Variants in ADCY2 observed in about 807,000 individuals in gnomAD.
ADCY2 encodes adenylate cyclase type 2.
Under a neutral mutation model 125.2 loss-of-function variants are expected in ADCY2, and 31 were observed. The ratio of observed to expected loss-of-function variants is 0.25; its 90% CI spans 0.19 to 0.33. ADCY2 has a LOEUF of 0.33. Ranked by LOEUF, ADCY2 falls within the 10% of genes least tolerant of loss-of-function variation. The pLI, the probability that ADCY2 is intolerant of heterozygous loss-of-function variation, is 1.00. For missense variants in ADCY2, 904 were observed against 1,418.2 expected, an observed-to-expected ratio of 0.64 and a Z score of 5.82; for synonymous variants, 512 against 548.4, an observed-to-expected ratio of 0.93 and a Z score of 0.93.
intron 24 of ADCY2, among the ~76,000 whole-genome samples, chr5:7,822,379 T>C (rs556711638): frequency 1.4e-4 from 22 of 152,364 alleles, no homozygotes; most frequent in African/African-American, 4.8e-4. Context: ...ATTTTACCAT[T>C]ATTACACCAA....
intron 2 of ADCY2, among the ~76,000 whole-genome samples, chr5:7,457,601 G>T (rs1317822180): frequency 1.3e-5 from 2 of 152,198 alleles, no homozygotes; most frequent in Non-Finnish European, 2.9e-5. Flanking sequence ...CAGGGGAGGA[G>T]ATACAAAGTC....
intron 2 of ADCY2, among the ~76,000 whole-genome samples, chr5:7,465,871 T>C (rs541620886): frequency 6.6e-6 from 1 of 152,350 alleles, no homozygotes; most frequent in East Asian, 1.9e-4. Flanking sequence ...TACATTTGCA[T>C]GTTTTTTAAC....
intron 10 of ADCY2, among the ~76,000 whole-genome samples, chr5:7,710,253 C>T (rs1741397693): frequency 6.6e-6 from 1 of 152,170 alleles, no homozygotes; most frequent in Non-Finnish European, 1.5e-5. Context: ...ATTTATATTT[C>T]TTCTCCCAAC....
At chr5:7,488,291 C>A (rs1743021490) in intron 2 of ADCY2, among the ~76,000 whole-genome samples, 1 of 152,190 alleles carries the variant, frequency 6.6e-6, no homozygotes, top group African/African-American at 2.4e-5. Flanking sequence ...CCTTCGTCTT[C>A]CACCATGATT....
chr5:7,785,585 T>G (rs750487846), intron 19 of ADCY2, among the ~76,000 whole-genome samples: 5 of 152,162 alleles, frequency 3.3e-5, no homozygotes, highest in South Asian at 4.1e-4. Context: ...CAACCCATTT[T>G]TCTTTTCTCA....
chr5:7,766,896 T>A, intron 17 of ADCY2, 90 bp downstream of exon 17: 9 of 1,436,692 alleles, frequency 6.3e-6, no homozygotes, highest in Non-Finnish European at 8.3e-6. Flanking sequence ...AGATCTGTTC[T>A]AGACTTTGCA....
At chr5:7,629,103 A>AT (rs1561133469) in intron 4 of ADCY2, among the ~76,000 whole-genome samples, 2 of 152,266 alleles carry the variant, frequency 1.3e-5, no homozygotes, top group African/African-American at 4.8e-5. Flanking sequence ...GACCAGCCAG[A>AT]AAACAGTTTC....
chr5:7,597,294 A>G (rs1361278339), intron 3 of ADCY2, among the ~76,000 whole-genome samples: 4 of 152,240 alleles, frequency 2.6e-5, no homozygotes, highest in African/African-American at 7.2e-5. Context: ...TGCAGGCAGA[A>G]GCTGCACAGA....
intron 4 of ADCY2, among the ~76,000 whole-genome samples, chr5:7,635,999 C>T (rs978152458): frequency 6.6e-6 from 1 of 152,118 alleles, no homozygotes; most frequent in African/African-American, 2.4e-5. Context: ...TAGCCTGTGG[C>T]CAGGTGTCCC....
intron 20 of ADCY2, among the ~76,000 whole-genome samples, chr5:7,790,535 G>A (rs1182069964): frequency 2.0e-5 from 3 of 152,234 alleles, no homozygotes; most frequent in Non-Finnish European, 4.4e-5. Flanking sequence ...TGGACTTAAC[G>A]TGAGAAACAT....
intron 4 of ADCY2, among the ~76,000 whole-genome samples, chr5:7,646,949 G>A (rs1380161899): frequency 3.9e-5 from 6 of 152,188 alleles, no homozygotes. Context: ...TTGGTCTTGG[G>A]ATTGCCTGCG....
intron 2 of ADCY2, among the ~76,000 whole-genome samples, chr5:7,459,719 A>C (rs1429279974): frequency 6.6e-6 from 1 of 151,216 alleles, no homozygotes; most frequent in Non-Finnish European, 1.5e-5. Context: ...AACATTAGCA[A>C]CATATAACCT....
At chr5:7,602,469 C>G (rs775040571) in intron 3 of ADCY2, among the ~76,000 whole-genome samples, 1 of 152,176 alleles carries the variant, frequency 6.6e-6, no homozygotes. Flanking sequence ...GACCTTCATG[C>G]ACAGGGCAGC....
At chr5:7,712,966 C>A in intron 11 of ADCY2, 67 bp downstream of exon 11, 1 of 1,215,662 alleles carries the variant, frequency 8.2e-7, no homozygotes, top group Non-Finnish European at 1.2e-6. Context: ...GAGTAATTAT[C>A]ATCAATTATG....
chr5:7,498,872 A>C (rs1257321353), intron 2 of ADCY2, among the ~76,000 whole-genome samples: 2 of 152,224 alleles, frequency 1.3e-5, no homozygotes, highest in Non-Finnish European at 2.9e-5. Flanking sequence ...GATTACATTC[A>C]GAGACATGGC....
intron 3 of ADCY2, among the ~76,000 whole-genome samples, chr5:7,606,350 G>A (rs1737373043): frequency 6.6e-6 from 1 of 152,210 alleles, no homozygotes; most frequent in African/African-American, 2.4e-5. Flanking sequence ...TTCTGACTGA[G>A]TGACAGTGTT....
chr5:7,810,241 T>C (rs1035392522), intron 22 of ADCY2, among the ~76,000 whole-genome samples: 1 of 152,318 alleles, frequency 6.6e-6, no homozygotes, highest in Admixed American at 6.5e-5. Flanking sequence ...TGGTGGGTTA[T>C]CTTCCTGATT....
In ADCY2 at chr5:7,828,458, C is replaced by G. The variant is rs1432403340; in HGVS notation, c.*1587C>G. ...AAACGAGGCAATGACTGTGAGCGAGCCTGGCAGGTGCCCCGTGGTACATTC... is the reference window on the plus strand; with the variant it reads ...AAACGAGGCAATGACTGTGAGCGAGGCTGGCAGGTGCCCCGTGGTACATTC... On this transcript the variant is annotated 3_prime_UTR_variant, in exon 25 of 25. Transcript: ENST00000338316. 1 of 152,178 alleles carries G rather than the reference C, an allele frequency of 6.6e-6. No individual in the cohort carries two copies. Among genetic ancestry groups the G allele is most frequent in the Non-Finnish European group, 1.5e-5 (1 of 68,026 alleles). The allele number at this position is 152,178 out of a possible 1,614,324, so 9.4% of individuals were successfully genotyped here.
chr5:7,765,424 G>A (rs1343168163), intron 16 of ADCY2, among the ~76,000 whole-genome samples: 1 of 152,148 alleles, frequency 6.6e-6, no homozygotes, highest in Admixed American at 6.5e-5. Flanking sequence ...AGCCAGGGAT[G>A]TGATGATTTT....
Sources: gnomAD v4.1 joint callset for allele counts (sites outside exome capture counted in the v4.1 genomes callset) on GRCh38, gnomAD v4.1.1 for gene constraint, MANE v1.5 for transcripts, NCBI Gene and HGNC (gene_info 2026-07-23, HGNC 2026-07-21) for gene names.